The following CSF2RB variants were observed in gnomAD, a reference collection of about 807,000 sequenced individuals.
The protein encoded by CSF2RB is colony stimulating factor 2 receptor subunit beta, also known as cytokine receptor common subunit beta.
In CSF2RB, 22 loss-of-function variants were observed where a neutral mutation model predicts 67.2. The ratio of observed to expected loss-of-function variants is 0.33; its 90% CI spans 0.23 to 0.47. The LOEUF (loss-of-function observed/expected upper bound fraction) is 0.47, where lower values mean the gene tolerates loss of function less well. Among genes scored for constraint, CSF2RB ranks in the 20% least tolerant of loss-of-function variants. CSF2RB has a pLI of 1.00. For missense variants in CSF2RB, 1,113 were observed against 1,174.5 expected (o/e 0.95, Z 0.76); for synonymous variants, 507 against 482.9 (o/e 1.05, Z -0.65).
Position 36,929,396 on chromosome 22 carries a change from C to T in CSF2RB, c.392-6C>T, listed in dbSNP as rs1446573237. 4.3e-6 allele frequency: 7 copies of T among 1,614,066 alleles called. No homozygotes were observed. The highest frequency in any genetic ancestry group is 5.9e-6 in the Non-Finnish European group (7 of 1,180,024). ...CCTTAGGTGCCCTTCACTTCCTCCC[C>T]TCCAGTCCAGCCTCCTGAGCCCAGG... On this transcript the variant is annotated splice_polypyrimidine_tract_variant and splice_region_variant and intron_variant, in intron 4 of 13. Transcript: ENST00000403662.
chr22:36,917,361 T>C (rs372464769), intron 1 of CSF2RB, among the ~76,000 whole-genome samples: 97 of 152,266 alleles, frequency 6.4e-4, no homozygotes, highest in African/African-American at 2.2e-3. Flanking sequence ...ATTTTGCTTT[T>C]CCCCCCTAGT....
Position 36,938,138 on chromosome 22 carries a change from C to G in CSF2RB, c.2330C>G (p.Pro777Arg). 6.2e-7 allele frequency: 1 copy of G among 1,614,106 alleles called. No homozygotes were observed. The highest frequency in any genetic ancestry group is 8.5e-7 in the Non-Finnish European group (1 of 1,179,990). The change falls in exon 14 of 14, where the codon CCC becomes CGC. Residue 777 changes from proline (P) to arginine (R), a missense_variant. By Grantham distance (103) the Pro-to-Arg change is moderately radical (BLOSUM62 -2). Coordinates refer to ENST00000403662, the MANE Select transcript of CSF2RB (RefSeq NM_000395.3). ...VELPPIEGRSPRSPRNNPVPP... is the reference protein window; with the variant it reads ...VELPPIEGRSRRSPRNNPVPP... ...CTCCCTCCAATTGAGGGCCGGTCCCCCAGGTCACCAAGGAACAATCCTGTC... is the reference window on the plus strand; with the variant it reads ...CTCCCTCCAATTGAGGGCCGGTCCCGCAGGTCACCAAGGAACAATCCTGTC...
chr22:36,935,339 G>A lies in CSF2RB; in HGVS notation c.1316-12G>A, dbSNP rs758598258. 5.6e-6 allele frequency: 9 copies of A among 1,613,894 alleles called. No individual in the cohort carries two copies. The highest frequency in any genetic ancestry group is 1.7e-5 in the Admixed American group (1 of 60,028). On this transcript the variant is annotated splice_polypyrimidine_tract_variant and intron_variant, in intron 10 of 13. Coordinates refer to ENST00000403662, the MANE Select transcript of CSF2RB (RefSeq NM_000395.3). ...GATGCTGACATTCCTCTTTCTCCCC[G>A]GCTGCTGGAAGTGCTGCCTATGTGG...
chr22:36,915,461 T>G (rs1480966036), intron 1 of CSF2RB, among the ~76,000 whole-genome samples: 3 of 151,204 alleles, frequency 2.0e-5, no homozygotes, highest in Non-Finnish European at 4.4e-5. Flanking sequence ...TTTCACTTAA[T>G]ATTGTATTTT....
intron 3 of CSF2RB, 140 bp from the exon 4 acceptor site, chr22:36,925,847 G>C: frequency 1.1e-6 from 1 of 914,874 alleles, no homozygotes; most frequent in Non-Finnish European, 1.7e-6. Flanking sequence ...TGGCAGCTCC[G>C]TGGGCAGGAT....
At chr22:36,923,425 G>T (rs1272700820) in intron 3 of CSF2RB, 58 bp downstream of exon 3, 3 of 1,590,420 alleles carry the variant, frequency 1.9e-6, no homozygotes. Context: ...CCTGTGCCTG[G>T]CATGGGGCGA....
chr22:36,930,857 G>A (rs200447061), intron 8 of CSF2RB, 27 bp downstream of exon 8: 594 of 1,613,508 alleles, frequency 3.7e-4, no homozygotes, highest in Middle Eastern at 5.0e-4. Context: ...CCCGCTGTGG[G>A]GATGGTCTGG....
chr22:36,938,862 T>A lies in CSF2RB; in HGVS notation c.*360T>A, dbSNP rs1038690456. 3.7e-6 allele frequency: 2 copies of A among 540,736 alleles called. No individual in the cohort carries two copies. The highest frequency in any genetic ancestry group is 6.5e-6 in the Non-Finnish European group (2 of 307,226). The allele number at this position is 540,736 out of a possible 1,614,324, so 33.5% of individuals were successfully genotyped here. ...CTTCCTTCTTTTTTCACTGATTTAT[T>A]ATGAGAGTGGGGCTGAGGTCTGAGC... On this transcript the variant is annotated 3_prime_UTR_variant, in exon 14 of 14. Transcript: ENST00000403662.
rs952660613 is a variant in CSF2RB at position 36,940,317 on chromosome 22, T to A, written c.*1815T>A. On this transcript the variant is annotated 3_prime_UTR_variant, in exon 14 of 14. Coordinates refer to ENST00000403662, the MANE Select transcript of CSF2RB (RefSeq NM_000395.3). ...CATTTTAGTACATTGTAAAGTAGAA[T>A]CCTCTGTTCATAATGAACAAGATGA... 5 of 152,228 alleles carry A rather than the reference T, an allele frequency of 3.3e-5. No homozygotes were observed. Among genetic ancestry groups the A allele is most frequent in the African/African-American group, 4.8e-5 (2 of 41,450 alleles). 9.4% of individuals were successfully genotyped at this position (152,228 alleles called of 1,614,324 possible). A position where few individuals can be genotyped will look rare whatever the true frequency, so the allele number is the denominator to read the frequency against.
rs1186098513 is a variant in CSF2RB at position 36,938,344 on chromosome 22, C to A, written c.2536C>A (p.Pro846Thr). 3 of 1,614,094 alleles carry A rather than the reference C, an allele frequency of 1.9e-6. No homozygotes were observed. In the African/African-American group the frequency reaches 4.0e-5, roughly 22 times the overall value. ...TAAACCTTCTTCCCCGGGACCCGGT[C>A]CTGAGATCAAGAACCTAGACCAGGC... ...RSKPSSPGPGPEIKNLDQAFQ... is the reference protein window; with the variant it reads ...RSKPSSPGPGTEIKNLDQAFQ... Residue 846 changes from proline to threonine, a missense_variant, in exon 14 of 14, where the codon CCT becomes ACT. This residue lies in a region of CSF2RB where 554 missense variants were observed against 517.9 expected (regional missense o/e 1.07). Transcript: ENST00000403662.
chr22:36,930,193 A>G (rs1941117725), intron 6 of CSF2RB, among the ~76,000 whole-genome samples, 182 bp from the exon 7 acceptor site: 1 of 149,528 alleles, frequency 6.7e-6, no homozygotes, highest in Admixed American at 6.7e-5. Flanking sequence ...GGTGCACAGA[A>G]CTCTCTCTCT....
intron 1 of CSF2RB, among the ~76,000 whole-genome samples, chr22:36,919,876 ATGTCTGTAGAAG>A (rs1940812733): frequency 6.6e-6 from 1 of 152,152 alleles, no homozygotes. Context: ...GTATCTGTAC[ATGTCTGTAGAAG>A]TGTCTGCTGG....
rs1324628359 is a variant in CSF2RB at position 36,938,735 on chromosome 22, G to A, written c.*233G>A. On this transcript the variant is annotated 3_prime_UTR_variant, in exon 14 of 14. Transcript: ENST00000403662. Reference sequence around the variant, plus strand: ...TACATGCACACATTTTTCCTGTCAGGTTAACTTATTTGTAGGTTCTGCATT... The same window carrying A: ...TACATGCACACATTTTTCCTGTCAGATTAACTTATTTGTAGGTTCTGCATT... The A allele has an allele frequency of 1.8e-6, 1 of 563,058 alleles. No homozygotes were observed. Among genetic ancestry groups the A allele is most frequent in the African/African-American group, 1.9e-5 (1 of 53,456 alleles). 34.9% of individuals were successfully genotyped at this position (563,058 alleles called of 1,614,324 possible).
intron 3 of CSF2RB, among the ~76,000 whole-genome samples, 159 bp downstream of exon 3, chr22:36,923,526 G>T (rs775671296): frequency 6.6e-6 from 1 of 152,190 alleles, no homozygotes; most frequent in Non-Finnish European, 1.5e-5. Flanking sequence ...CTCCTGCTCC[G>T]CCAGGCACCT....
intron 4 of CSF2RB, among the ~76,000 whole-genome samples, chr22:36,928,788 C>A (rs1941080554): frequency 6.6e-6 from 1 of 152,204 alleles, no homozygotes; most frequent in African/African-American, 2.4e-5. Context: ...GGAAGGGGGT[C>A]AGGACCAATC....
At chr22:36,932,367 A>G (rs1941162126) in intron 8 of CSF2RB, among the ~76,000 whole-genome samples, 1 of 150,344 alleles carries the variant, frequency 6.7e-6, no homozygotes, top group African/African-American at 2.5e-5. Flanking sequence ...CCCAGGAGGC[A>G]GAGGTTGCAG....
At chr22:36,919,626 G>T (rs575757270) in intron 1 of CSF2RB, among the ~76,000 whole-genome samples, 21 of 151,528 alleles carry the variant, frequency 1.4e-4, no homozygotes, top group Non-Finnish European at 2.8e-4. Context: ...GGCCAGGCTG[G>T]TCTCAAACTC....
At chr22:36,915,889 T>A (rs1940706917) in intron 1 of CSF2RB, among the ~76,000 whole-genome samples, 1 of 152,230 alleles carries the variant, frequency 6.6e-6, no homozygotes, top group South Asian at 2.1e-4. Context: ...TTTCTATATG[T>A]GGATTGGCCT....
intron 1 of CSF2RB, among the ~76,000 whole-genome samples, chr22:36,917,322 G>A (rs1390955189): frequency 6.6e-6 from 1 of 152,132 alleles, no homozygotes; most frequent in African/African-American, 2.4e-5. Context: ...GTTGACCTAT[G>A]AAATTGTTTT....
Sources: allele counts gnomAD v4.1 joint callset (sites outside exome capture counted in the v4.1 genomes callset), GRCh38; gene constraint gnomAD v4.1.1; regional missense constraint gnomAD v4.1.1; transcripts MANE v1.5; gene names NCBI Gene and HGNC (gene_info 2026-07-23, HGNC 2026-07-21).